The following XYLT1 variants were observed in gnomAD, a reference collection of about 807,000 sequenced individuals.
The protein encoded by XYLT1 is xylosyltransferase 1, also known as beta-D-xylosyltransferase 1.
A neutral mutation model predicts 91.3 loss-of-function variants in XYLT1; 36 were observed. The observed-to-expected ratio is 0.39, with a 90% CI of 0.30 to 0.52. The LOEUF (loss-of-function observed/expected upper bound fraction) is 0.52. XYLT1 is among the 20% of genes least tolerant of loss of function. XYLT1 has a pLI of 0.68. For missense variants in XYLT1, 1,242 were observed against 1,284.5 expected (o/e 0.97, Z 0.51); for synonymous variants, 588 against 532.0 (o/e 1.11, Z -1.45).
chr16:17,276,883 G>C (rs935156401), intron 2 of XYLT1, among the ~76,000 whole-genome samples: 1 of 152,108 alleles, frequency 6.6e-6, no homozygotes, highest in African/African-American at 2.4e-5. Flanking sequence ...TCAAAACCTC[G>C]CAGGGCTAAA....
intron 3 of XYLT1, among the ~76,000 whole-genome samples, chr16:17,218,553 A>G (rs995017994): frequency 3.9e-5 from 6 of 152,102 alleles, no homozygotes; most frequent in African/African-American, 1.4e-4. Flanking sequence ...TCGCTTCCAA[A>G]ATGTGCCTGC....
Position 17,393,790 on chromosome 16 carries a change from T to A in XYLT1, c.364-35740A>T, listed in dbSNP as rs573742693. ...AATTATTATTATTATTATTATTATT[T>A]TTTGAGATGGAGCCTTGCTCTGTCG... On this transcript the variant is annotated intron_variant, in intron 1 of 11. Transcript: ENST00000261381. 3.4e-4 allele frequency among the ~76,000 whole-genome samples: 51 copies of A among 151,576 alleles called. 1 individual carries two copies. The East Asian group carries it at 6.0e-3, about 18-fold the overall frequency.
chr16:17,430,578 C>T (rs1299332390), intron 1 of XYLT1, among the ~76,000 whole-genome samples: 1 of 152,192 alleles, frequency 6.6e-6, no homozygotes, highest in Admixed American at 6.5e-5. Flanking sequence ...CCCAGTCTTG[C>T]CTGCTTCCCT....
intron 11 of XYLT1, among the ~76,000 whole-genome samples, chr16:17,115,699 T>C (rs1966850603): frequency 6.7e-6 from 1 of 148,804 alleles, no homozygotes; most frequent in East Asian, 2.0e-4. Flanking sequence ...CTGGTCAGGC[T>C]GGTCTCGAAC....
intron 2 of XYLT1, among the ~76,000 whole-genome samples, chr16:17,347,247 T>A (rs1473326257): frequency 6.6e-6 from 1 of 152,186 alleles, no homozygotes; most frequent in Non-Finnish European, 1.5e-5. Context: ...AAATAACCTG[T>A]CTTCTCTGTC....
chr16:17,397,413 A>T (rs2035901341), intron 1 of XYLT1, among the ~76,000 whole-genome samples: 1 of 152,086 alleles, frequency 6.6e-6, no homozygotes, highest in Non-Finnish European at 1.5e-5. Flanking sequence ...GATGGCTGGG[A>T]TACATCATAA....
At chr16:17,406,848 A>G (rs1041590319) in intron 1 of XYLT1, among the ~76,000 whole-genome samples, 3 of 152,268 alleles carry the variant, frequency 2.0e-5, no homozygotes, top group Non-Finnish European at 4.4e-5. Flanking sequence ...AAATTATTCT[A>G]TGTGCTTGGA....
rs115686272 is a variant in XYLT1, at chr16:17,298,189, T to G, written c.403-38691A>C. 8.9e-3 allele frequency among the ~76,000 whole-genome samples: 1,353 copies of G among 152,148 alleles called. 19 individuals are homozygous for G. The highest frequency in any genetic ancestry group is 0.03 in the African/African-American group (1,256 of 41,486). The stretch of plus-strand genomic sequence containing the variant: ...CTTACAAAACAAGTCAAAATGAGTG[T>G]AAAATCGGTTCCGTCAGGTGACAGC... On this transcript the variant is annotated intron_variant, in intron 2 of 11. Coordinates refer to ENST00000261381, the MANE Select transcript of XYLT1 (RefSeq NM_022166.4).
At chr16:17,168,659 C>T (rs758272173) in intron 5 of XYLT1, among the ~76,000 whole-genome samples, 17 of 151,930 alleles carry the variant, frequency 1.1e-4, no homozygotes, top group South Asian at 6.2e-4. Context: ...TGCTAAGATA[C>T]GGAGGAAAAG....
rs886577337 is a variant in XYLT1, at chr16:17,103,721, G to C, written c.*4974C>G. On this transcript the variant is annotated 3_prime_UTR_variant, in exon 12 of 12. Coordinates refer to ENST00000261381, the MANE Select transcript of XYLT1 (RefSeq NM_022166.4). ...AAGGTGCAGAACCCGCTTTCTGGTG[G>C]TATCTGTAGGCAGAGGCAGTTGGAA... The C allele has an allele frequency of 3.3e-5, 5 of 152,212 alleles. No homozygotes were observed. Among genetic ancestry groups the C allele is most frequent in the African/African-American group, 1.2e-4 (5 of 41,424 alleles). 9.4% of individuals were successfully genotyped at this position (152,212 alleles called of 1,614,324 possible). A position where few individuals can be genotyped will look rare whatever the true frequency, so the allele number is the denominator to read the frequency against.
chr16:17,297,567 A>C (rs2034330174), intron 2 of XYLT1, among the ~76,000 whole-genome samples: 1 of 152,040 alleles, frequency 6.6e-6, no homozygotes, highest in Admixed American at 6.5e-5. Flanking sequence ...GAAAAAAAAA[A>C]AAAAACTTAG....
intron 2 of XYLT1, among the ~76,000 whole-genome samples, chr16:17,285,874 CTGTGTGTGTGTGTGTGTGTGTGTG>C (rs56267931): frequency 4.8e-5 from 7 of 145,156 alleles, no homozygotes; most frequent in Non-Finnish European, 7.5e-5. Flanking sequence ...TGGTGTATCT[CTGTGTGTGTGTGTGTGTGTGTGTG>C]TGTGTGTGTG....
chr16:17,269,364 T>G (rs1240685863), intron 2 of XYLT1, among the ~76,000 whole-genome samples: 5 of 151,828 alleles, frequency 3.3e-5, no homozygotes, highest in Non-Finnish European at 7.4e-5. Flanking sequence ...TTAAATTTTT[T>G]GTAGAGACAG....
intron 3 of XYLT1, among the ~76,000 whole-genome samples, chr16:17,228,825 C>T (rs987283331): frequency 6.6e-6 from 1 of 152,160 alleles, no homozygotes; most frequent in Non-Finnish European, 1.5e-5. Flanking sequence ...ATTTTACACA[C>T]CTGGCCCAAA....
intron 2 of XYLT1, among the ~76,000 whole-genome samples, chr16:17,310,173 C>T (rs1343480487): frequency 6.6e-6 from 1 of 152,216 alleles, no homozygotes; most frequent in African/African-American, 2.4e-5. Flanking sequence ...CATTCACTTC[C>T]CTCCAGCCCT....
At chr16:17,272,246 C>T (rs1456257773) in intron 2 of XYLT1, among the ~76,000 whole-genome samples, 2 of 146,316 alleles carry the variant, frequency 1.4e-5, no homozygotes, top group Non-Finnish European at 3.0e-5. Context: ...ACTGCAACCT[C>T]GGCCTCCAAG....
intron 5 of XYLT1, among the ~76,000 whole-genome samples, chr16:17,181,388 G>C (rs1214869624): frequency 6.6e-6 from 1 of 152,186 alleles, no homozygotes; most frequent in Non-Finnish European, 1.5e-5. Flanking sequence ...AATAAGGAAA[G>C]TGACCACACA....
chr16:17,121,004 T>C (rs2030032686), intron 10 of XYLT1, among the ~76,000 whole-genome samples: 1 of 152,202 alleles, frequency 6.6e-6, no homozygotes, highest in South Asian at 2.1e-4. Context: ...CACCCATCTG[T>C]CTGTCTGTTA....
chr16:17,295,098 G>A (rs1226515554), intron 2 of XYLT1, among the ~76,000 whole-genome samples: 2 of 152,162 alleles, frequency 1.3e-5, no homozygotes, highest in Non-Finnish European at 2.9e-5. Flanking sequence ...GACTGAAAAG[G>A]TGAGGTATAA....
Sources: gnomAD v4.1 joint callset for allele counts (sites outside exome capture counted in the v4.1 genomes callset) on GRCh38, gnomAD v4.1.1 for gene constraint, MANE v1.5 for transcripts, NCBI Gene and HGNC (gene_info 2026-07-23, HGNC 2026-07-21) for gene names.